The following RMC1 variants were observed in gnomAD, a reference collection of about 807,000 sequenced individuals.
RMC1 encodes regulator of MON1-CCZ1 complex.
In RMC1, 44 loss-of-function variants were observed where a neutral mutation model predicts 95.5. The ratio of observed to expected loss-of-function variants is 0.46; its 90% CI spans 0.36 to 0.59. RMC1 has a LOEUF of 0.59. Ranked by LOEUF, RMC1 falls within the 20% of genes least tolerant of loss-of-function variation. The pLI is 0.00. For synonymous variants in RMC1, 320 were observed against 303.6 expected (o/e 1.05, Z -0.56); for missense variants, 705 against 819.6 (o/e 0.86, Z 1.71).
At chr18:23,519,721 C>G (rs1034266598) in intron 9 of RMC1, among the ~76,000 whole-genome samples, 1 of 152,188 alleles carries the variant, frequency 6.6e-6, no homozygotes, top group African/African-American at 2.4e-5. Context: ...AGGTGGGAAT[C>G]CGCTCCATTC....
intron 12 of RMC1, among the ~76,000 whole-genome samples, 193 bp downstream of exon 12, chr18:23,524,675 T>A (rs959668256): frequency 2.4e-4 from 37 of 152,102 alleles, no homozygotes; most frequent in African/African-American, 8.9e-4. Flanking sequence ...ATATACTACT[T>A]TTAATAATTA....
At chr18:23,507,263 AT>A (rs1223016382) in intron 3 of RMC1, among the ~76,000 whole-genome samples, 1 of 152,188 alleles carries the variant, frequency 6.6e-6, no homozygotes, top group African/African-American at 2.4e-5. Context: ...TTTAAATTAA[AT>A]TAAAAATTTT....
chr18:23,527,677 T>C (rs2145275930), intron 13 of RMC1, 118 bp from the exon 14 acceptor site: 1 of 805,342 alleles, frequency 1.2e-6, no homozygotes, highest in Non-Finnish European at 2.1e-6. Context: ...GAGTGTCCTT[T>C]AAAGGTACTT....
In RMC1 at chr18:23,509,288, T is replaced by C; in HGVS notation, c.408+9T>C. The C allele has an allele frequency of 7.4e-7, 1 of 1,355,708 alleles. No individual in the cohort carries two copies. The highest frequency in any genetic ancestry group is 9.7e-7 in the Non-Finnish European group (1 of 1,027,422). 84.0% of individuals were successfully genotyped at this position (1,355,708 alleles called of 1,614,324 possible). On this transcript the variant is annotated intron_variant, in intron 5 of 19. Coordinates refer to ENST00000269221, the MANE Select transcript of RMC1 (RefSeq NM_013326.5). ...GAATCGAATTTTACCAGGTATTATG[T>C]TTATCATTTATGTTTGTTGGTTAAA... is the stretch of plus-strand genomic sequence containing the variant.
intron 5 of RMC1, among the ~76,000 whole-genome samples, chr18:23,515,545 T>C (rs1424329911): frequency 1.3e-5 from 2 of 152,254 alleles, no homozygotes; most frequent in Non-Finnish European, 2.9e-5. Flanking sequence ...TATTTATTAA[T>C]TGAGACTGAA....
intron 4 of RMC1, 70 bp from the exon 5 acceptor site, chr18:23,509,123 G>T (rs901232558): frequency 7.2e-5 from 37 of 514,384 alleles, no homozygotes; most frequent in Non-Finnish European, 1.1e-4. Context: ...CAGAGTTTGT[G>T]AAGCTTTTGA....
At chr18:23,513,434 C>G (rs1955558607) in intron 5 of RMC1, among the ~76,000 whole-genome samples, 2 of 152,170 alleles carry the variant, frequency 1.3e-5, no homozygotes, top group Admixed American at 1.3e-4. Context: ...TTTGCTTATC[C>G]ATTCATCTGT....
Position 23,507,003 on chromosome 18 carries a change from G to A in RMC1, c.213G>A (p.Lys71=). 1.9e-6 allele frequency: 3 copies of A among 1,609,730 alleles called. No homozygotes were observed. The highest frequency in any genetic ancestry group is 2.5e-6 in the Non-Finnish European group (3 of 1,178,086). ...ACAAAGGAGAAGTGAAGTGCATTAAGTTTTCCTTAGAAAATAAGATATTGG... is the reference window on the plus strand; with the variant it reads ...ACAAAGGAGAAGTGAAGTGCATTAAATTTTCCTTAGAAAATAAGATATTGG... ...MDDKGEVKCI[K]FSLENKILAV... The change falls in exon 3 of 20, where the codon AAG becomes AAA. Residue 71 remains lysine, a synonymous_variant. Transcript: ENST00000269221.
chr18:23,529,154 AT>A (rs1237377669), intron 14 of RMC1, 24 bp from the exon 15 acceptor site: 1 of 1,603,946 alleles, frequency 6.2e-7, no homozygotes, highest in Non-Finnish European at 8.5e-7. Flanking sequence ...GCCGAAGATC[AT>A]AGTTTGTGGT....
In RMC1 at chr18:23,529,980, A is replaced by T. The variant is rs777244710; in HGVS notation, c.1495-48A>T. The T allele has an allele frequency of 4.6e-6, 7 of 1,509,458 alleles. No individual in the cohort carries two copies. In the African/African-American group the frequency reaches 6.9e-5, roughly 15 times the overall value. 93.5% of individuals were successfully genotyped at this position (1,509,458 alleles called of 1,614,324 possible). On this transcript the variant is annotated intron_variant, in intron 16 of 19. Transcript: ENST00000269221. ...CCTTGGGGAGCCTCTAGTCTGTTGT[A>T]GCTGAATGATTTGGAAGTGTTCTTT...
At chr18:23,509,084 G>A in intron 4 of RMC1, 109 bp from the exon 5 acceptor site, 1 of 390,956 alleles carries the variant, frequency 2.6e-6, no homozygotes, top group Non-Finnish European at 4.5e-6. Context: ...AAACATTCCG[G>A]GGAACGTTCA....
At chr18:23,505,261 G>A (rs563630825) in intron 2 of RMC1, among the ~76,000 whole-genome samples, 4 of 152,004 alleles carry the variant, frequency 2.6e-5, no homozygotes, top group East Asian at 1.9e-4. Flanking sequence ...GGGTTTCACC[G>A]TGTTGGCCAG....
chr18:23,531,807 C>T lies in RMC1; in HGVS notation c.*103C>T, dbSNP rs2145320858. The T allele has an allele frequency of 3.3e-6, 5 of 1,515,510 alleles. No individual in the cohort carries two copies. In the East Asian group the frequency reaches 7.0e-5, roughly 21 times the overall value. The allele number at this position is 1,515,510 out of a possible 1,614,324, so 93.9% of individuals were successfully genotyped here. On this transcript the variant is annotated 3_prime_UTR_variant, in exon 20 of 20. Coordinates refer to ENST00000269221, the MANE Select transcript of RMC1 (RefSeq NM_013326.5). ...ATGTTATAAAGTGTATCTACAACCT[C>T]AACTGTCACTAAAAATATGGTATAG... is the stretch of plus-strand genomic sequence containing the variant.
chr18:23,518,773 G>A (rs2058072676), intron 7 of RMC1, 117 bp from the exon 8 acceptor site: 1 of 857,560 alleles, frequency 1.2e-6, no homozygotes, highest in Non-Finnish European at 1.8e-6. Flanking sequence ...AACACTTGTT[G>A]GCAGCAAAAT....
At chr18:23,531,361 GCTGT>G (rs1375638057) in intron 19 of RMC1, 6 of 470,622 alleles carry the variant, frequency 1.3e-5, no homozygotes, top group Non-Finnish European at 2.1e-5. Flanking sequence ...AAGGATCAGG[GCTGT>G]CTAATGAAAC....
chr18:23,516,390 G>C lies in RMC1; in HGVS notation c.620G>C (p.Ser207Thr), dbSNP rs1489492776. ...GCTGCGCCTAAGTCAACTAAACCCA[G>C]CCTTTCCGAAAGAGACATCGCAATG... is the stretch of plus-strand genomic sequence containing the variant. ...LPAAPKSTKPSLSERDIAMAT... is the reference protein window; with the variant it reads ...LPAAPKSTKPTLSERDIAMAT... The change falls in exon 7 of 20, where the codon AGC becomes ACC. Residue 207 changes from serine to threonine, a missense_variant. Coordinates refer to ENST00000269221, the MANE Select transcript of RMC1 (RefSeq NM_013326.5). 1 of 1,614,224 alleles carries C rather than the reference G, an allele frequency of 6.2e-7. No individual in the cohort carries two copies. The highest frequency in any genetic ancestry group is 1.7e-5 in the Admixed American group (1 of 60,024).
rs1598869861 is a variant in RMC1, at chr18:23,516,546, T to C, written c.653+123T>C. Reference sequence around the variant, plus strand: ...CTAGAACACATAAGGAGGACTCCCCTTGTTCTGGGTATTCAGTGTATAGGT... The same window carrying C: ...CTAGAACACATAAGGAGGACTCCCCCTGTTCTGGGTATTCAGTGTATAGGT... On this transcript the variant is annotated intron_variant, in intron 7 of 19. Transcript: ENST00000269221. 4.3e-6 allele frequency: 4 copies of C among 920,038 alleles called. No homozygotes were observed. The East Asian group carries it at 1.0e-4, about 24-fold the overall frequency. The allele number at this position is 920,038 out of a possible 1,614,324, so 57.0% of individuals were successfully genotyped here.
intron 6 of RMC1, 31 bp downstream of exon 6, chr18:23,516,027 C>T (rs1313388024): frequency 7.4e-6 from 12 of 1,613,882 alleles, no homozygotes; most frequent in Non-Finnish European, 1.0e-5. Flanking sequence ...AAAAAAACAC[C>T]TTTCCCCAGT....
chr18:23,518,711 C>T (rs375864594), intron 7 of RMC1, among the ~76,000 whole-genome samples, 179 bp from the exon 8 acceptor site: 1 of 152,272 alleles, frequency 6.6e-6, no homozygotes, highest in African/African-American at 2.4e-5. Context: ...TGTGTGTTCT[C>T]TTTTCCACTT....
Sources: allele counts gnomAD v4.1 joint callset (sites outside exome capture counted in the v4.1 genomes callset), GRCh38; gene constraint gnomAD v4.1.1; transcripts MANE v1.5; gene names NCBI Gene and HGNC (gene_info 2026-07-23, HGNC 2026-07-21).